The following MICU1 variants were observed in gnomAD, a reference collection of about 807,000 sequenced individuals.
MICU1 encodes the protein mitochondrial calcium uptake 1.
Under a neutral mutation model 56.8 loss-of-function variants are expected in MICU1, and 45 were observed. The ratio of observed to expected loss-of-function variants is 0.79; its 90% CI spans 0.62 to 1.02. The LOEUF is 1.02. Among genes scored for constraint, MICU1 ranks in the 50% least tolerant of loss-of-function variants. The pLI, the probability that MICU1 is intolerant of heterozygous loss-of-function variation, is 0.00. For missense variants in MICU1, 504 were observed against 587.1 expected, an observed-to-expected ratio of 0.86 and a Z score of 1.46; for synonymous variants, 186 against 195.1, an observed-to-expected ratio of 0.95 and a Z score of 0.39.
At chr10:72,435,385 CAAAAAAAAA>C (rs34955776) in intron 8 of MICU1, among the ~76,000 whole-genome samples, 5,472 of 48,146 alleles carry the variant, frequency 0.11, 316 homozygotes, top group East Asian at 0.34. Context: ...GACCCTGTTA[CAAAAAAAAA>C]AAAAAAAAAA....
intron 4 of MICU1, among the ~76,000 whole-genome samples, chr10:72,540,095 C>T (rs746798338): frequency 3.3e-5 from 5 of 151,750 alleles, no homozygotes; most frequent in Non-Finnish European, 7.4e-5. Flanking sequence ...GGGTGAAACC[C>T]CATCTCTACT....
intron 1 of MICU1, among the ~76,000 whole-genome samples, chr10:72,597,119 A>T (rs1209863588): frequency 2.6e-5 from 4 of 152,160 alleles, no homozygotes; most frequent in Non-Finnish European, 4.4e-5. Context: ...CTATTAATTT[A>T]AAAAAATTTT....
intron 4 of MICU1, among the ~76,000 whole-genome samples, chr10:72,538,803 G>C (rs1261580077): frequency 1.3e-5 from 2 of 151,900 alleles, no homozygotes; most frequent in Non-Finnish European, 2.9e-5. Flanking sequence ...AACATAGAAT[G>C]GCTGAATAAA....
intron 4 of MICU1, among the ~76,000 whole-genome samples, chr10:72,543,918 C>G (rs1194808181): frequency 6.6e-6 from 1 of 152,090 alleles, no homozygotes; most frequent in Admixed American, 6.5e-5. Context: ...CTGACCACCC[C>G]TCATATTGTC....
intron 5 of MICU1, among the ~76,000 whole-genome samples, chr10:72,527,041 A>G (rs1259933095): frequency 2.0e-5 from 3 of 152,088 alleles, no homozygotes; most frequent in Middle Eastern, 3.2e-3. Context: ...TCTGATTTTT[A>G]AATTCAGGTA....
chr10:72,584,894 A>G (rs1391803985), intron 1 of MICU1, among the ~76,000 whole-genome samples: 1 of 152,172 alleles, frequency 6.6e-6, no homozygotes, highest in African/African-American at 2.4e-5. Context: ...ACAGGATGAA[A>G]AAATGAGCTA....
At chr10:72,520,587 G>A (rs1349149979) in intron 5 of MICU1, among the ~76,000 whole-genome samples, 2 of 152,032 alleles carry the variant, frequency 1.3e-5, no homozygotes, top group African/African-American at 4.8e-5. Context: ...ACTTCACTAT[G>A]CCAGAAAGCA....
chr10:72,413,131 A>T (rs1051270358), intron 9 of MICU1, among the ~76,000 whole-genome samples: 3 of 152,010 alleles, frequency 2.0e-5, no homozygotes, highest in African/African-American at 7.2e-5. Flanking sequence ...CAGGAGGTGG[A>T]GGTTGTAGTG....
intron 4 of MICU1, among the ~76,000 whole-genome samples, chr10:72,548,924 T>G (rs1839961337): frequency 6.6e-6 from 1 of 152,160 alleles, no homozygotes; most frequent in Non-Finnish European, 1.5e-5. Flanking sequence ...CTCTAATGCC[T>G]AACCTCAAGA....
At chr10:72,369,303 G>GA (rs35019906) in intron 11 of MICU1, among the ~76,000 whole-genome samples, 4,032 of 108,464 alleles carry the variant, frequency 0.037, 154 homozygotes, top group African/African-American at 0.11. Context: ...ATGTCTCTTG[G>GA]AAAAAAAAAA....
intron 11 of MICU1, 131 bp from the exon 12 acceptor site, chr10:72,368,486 T>A: frequency 1.0e-6 from 1 of 977,018 alleles, no homozygotes. Flanking sequence ...AATTCTCTTA[T>A]CCTAGAATTC....
intron 4 of MICU1, among the ~76,000 whole-genome samples, chr10:72,542,256 T>C (rs1839791241): frequency 6.6e-6 from 1 of 152,192 alleles, no homozygotes; most frequent in South Asian, 2.1e-4. Flanking sequence ...TCTTGTGATT[T>C]TTTTTCACCC....
intron 9 of MICU1, among the ~76,000 whole-genome samples, chr10:72,420,591 A>G (rs1203619517): frequency 2.6e-5 from 4 of 151,972 alleles, no homozygotes. Flanking sequence ...CAGTGGGAAG[A>G]GTACTGGGCT....
intron 1 of MICU1, among the ~76,000 whole-genome samples, chr10:72,622,219 G>A (rs1842121620): frequency 6.7e-6 from 1 of 148,398 alleles, no homozygotes; most frequent in African/African-American, 2.5e-5. Context: ...CACCGCGCCC[G>A]GCCCCAAGTT....
intron 5 of MICU1, among the ~76,000 whole-genome samples, chr10:72,529,077 T>C (rs564340973): frequency 6.6e-6 from 1 of 152,332 alleles, no homozygotes; most frequent in East Asian, 1.9e-4. Context: ...CTTTTATCTC[T>C]TTACAGATAA....
At chr10:72,534,533 TACAA>T (rs1162789166) in intron 4 of MICU1, among the ~76,000 whole-genome samples, 1 of 152,142 alleles carries the variant, frequency 6.6e-6, no homozygotes, top group Non-Finnish European at 1.5e-5. Context: ...CAAGGGAGCA[TACAA>T]TTAGTTCAAT....
intron 8 of MICU1, among the ~76,000 whole-genome samples, chr10:72,443,197 G>A (rs951526335): frequency 1.3e-4 from 20 of 152,090 alleles, no homozygotes; most frequent in Non-Finnish European, 2.5e-4. Context: ...CATGTCCTTC[G>A]CCCACTTTTT....
intron 9 of MICU1, 111 bp downstream of exon 9, chr10:72,423,123 G>T: frequency 2.2e-6 from 3 of 1,382,956 alleles, no homozygotes; most frequent in Non-Finnish European, 2.9e-6. Context: ...AATGAATTAG[G>T]TGTAATCATT....
intron 5 of MICU1, among the ~76,000 whole-genome samples, chr10:72,511,503 G>A (rs554806703): frequency 6.6e-6 from 1 of 152,274 alleles, no homozygotes; most frequent in South Asian, 2.1e-4. Flanking sequence ...GGCTCAAAGG[G>A]GAAATGTATA....
Sources: gnomAD v4.1 joint callset for allele counts (sites outside exome capture counted in the v4.1 genomes callset) on GRCh38, gnomAD v4.1.1 for gene constraint, MANE v1.5 for transcripts, NCBI Gene and HGNC (gene_info 2026-07-23, HGNC 2026-07-21) for gene names.